RNF152: variants seen among roughly 807,000 people sequenced by gnomAD.
RNF152 encodes ring finger protein 152, also known as E3 ubiquitin-protein ligase RNF152.
Under a neutral mutation model 12.7 loss-of-function variants are expected in RNF152, and 11 were observed. The observed-to-expected ratio is 0.86, with a 90% CI of 0.54 to 1.43. The LOEUF is 1.43. Ranked by LOEUF, RNF152 falls within the 40% of genes most tolerant of loss-of-function variation. The pLI, the probability that RNF152 is intolerant of heterozygous loss-of-function variation, is 0.00. For synonymous variants in RNF152, 113 were observed against 120.3 expected, an observed-to-expected ratio of 0.94 and a Z score of 0.40; for missense variants, 255 against 274.8, an observed-to-expected ratio of 0.93 and a Z score of 0.51.
In RNF152 at chr18:61,816,608, A is replaced by C; in HGVS notation, c.-135-10T>G. ...ACAGGTGTGTTCATTTCTGAGAGAG[A>C]CAAATAATGCAAACAATCTTAATTA... On this transcript the variant is annotated splice_polypyrimidine_tract_variant and intron_variant, in intron 1 of 1. Coordinates refer to ENST00000312828, the MANE Select transcript of RNF152 (RefSeq NM_173557.3). 1.3e-6 allele frequency: 1 copy of C among 766,432 alleles called. No individual in the cohort carries two copies. Among genetic ancestry groups the C allele is most frequent in the Non-Finnish European group, 2.1e-6 (1 of 467,794 alleles). 47.5% of individuals were successfully genotyped at this position (766,432 alleles called of 1,614,324 possible).
At chr18:61,837,653 T>C (rs1910250031) in intron 1 of RNF152, among the ~76,000 whole-genome samples, 1 of 152,242 alleles carries the variant, frequency 6.6e-6, no homozygotes, top group South Asian at 2.1e-4. Context: ...GTTGTTCTTT[T>C]TATTTCTAAG....
chr18:61,862,415 C>T (rs1911528021), intron 1 of RNF152, among the ~76,000 whole-genome samples: 1 of 152,164 alleles, frequency 6.6e-6, no homozygotes, highest in East Asian at 1.9e-4. Flanking sequence ...AAAGCAAGAG[C>T]AAGAGGTGAA....
chr18:61,817,234 C>G (rs1431876121), intron 1 of RNF152, among the ~76,000 whole-genome samples: 1 of 152,220 alleles, frequency 6.6e-6, no homozygotes, highest in Admixed American at 6.5e-5. Flanking sequence ...AAACCCCAAA[C>G]AGCAACAAAA....
At chr18:61,834,233 C>A (rs1009324853) in intron 1 of RNF152, among the ~76,000 whole-genome samples, 2 of 152,180 alleles carry the variant, frequency 1.3e-5, no homozygotes, top group Non-Finnish European at 2.9e-5. Flanking sequence ...GGATGCTGTC[C>A]TTTTGGTCTG....
At position 61,816,275 on chromosome 18, in the gene RNF152, G is replaced by T. The variant is rs116886631; in HGVS notation, c.189C>A (p.Gly63=). 98,251 of 1,614,196 alleles carry T rather than the reference G, an allele frequency of 0.061. 3,526 individuals carry two copies. Among genetic ancestry groups the T allele is most frequent in the Non-Finnish European group, 0.07 (82,353 of 1,180,024 alleles). Residue 63 remains glycine (G), a synonymous_variant, in exon 2 of 2, where the codon GGC becomes GGA. Transcript: ENST00000312828. ...WCRGVTKLPP[G]FSVSQLPDDP... ...CGTCCGGGAGCTGCGACACGGAGAA[G>T]CCGGGAGGCAGCTTGGTGACACCGC... is the stretch of plus-strand genomic sequence containing the variant.
Position 61,836,047 on chromosome 18 carries a change from T to C in RNF152, c.-135-19449A>G, listed in dbSNP as rs375228146. Among the ~76,000 whole-genome samples, 68 of 152,192 alleles carry C rather than the reference T, an allele frequency of 4.5e-4. 1 individual carries two copies. The highest frequency in any genetic ancestry group is 9.1e-4 in the Non-Finnish European group (62 of 68,040). On this transcript the variant is annotated intron_variant, in intron 1 of 1. Transcript: ENST00000312828. ...AAATAATACATAAATTTCTAAGCCT[T>C]GTCAACTGAAAGGCCTAGAAACAGT...
Position 61,810,515 on chromosome 18 carries a change from G to A in RNF152, c.*5337C>T, listed in dbSNP as rs1599250456. ...AATACAAAATTAGCTGGGCATGGAG[G>A]CGCATGCCTATAATCCCAGCTACTC... On this transcript the variant is annotated 3_prime_UTR_variant, in exon 2 of 2. Coordinates refer to ENST00000312828, the MANE Select transcript of RNF152 (RefSeq NM_173557.3). The A allele has an allele frequency of 6.6e-6, 1 of 152,242 alleles. No homozygotes were observed. Among genetic ancestry groups the A allele is most frequent in the Non-Finnish European group, 1.5e-5 (1 of 68,098 alleles). The allele number at this position is 152,242 out of a possible 1,614,324, so 9.4% of individuals were successfully genotyped here. A position where few individuals can be genotyped will look rare whatever the true frequency, so the allele number is the denominator to read the frequency against.
intron 1 of RNF152, among the ~76,000 whole-genome samples, chr18:61,848,581 G>T (rs1910837074): frequency 6.6e-6 from 1 of 152,220 alleles, no homozygotes. Flanking sequence ...AGTATTTGCA[G>T]AGAGGCTTCG....
intron 1 of RNF152, among the ~76,000 whole-genome samples, chr18:61,863,382 C>T (rs764380354): frequency 3.5e-5 from 5 of 144,450 alleles, no homozygotes; most frequent in African/African-American, 7.9e-5. Flanking sequence ...TTGCAGTGAG[C>T]GGCGATCGTG....
chr18:61,819,826 G>C (rs923575300), intron 1 of RNF152, among the ~76,000 whole-genome samples: 1 of 151,472 alleles, frequency 6.6e-6, no homozygotes, highest in Non-Finnish European at 1.5e-5. Context: ...TTTGAGACCA[G>C]CCTAGTCAAC....
chr18:61,835,825 A>G (rs1910156549), intron 1 of RNF152, among the ~76,000 whole-genome samples: 1 of 152,332 alleles, frequency 6.6e-6, no homozygotes, highest in South Asian at 2.1e-4. Context: ...TGATACTAGT[A>G]TAGTAGTAAT....
intron 1 of RNF152, among the ~76,000 whole-genome samples, chr18:61,880,704 T>G (rs1912424521): frequency 6.6e-6 from 1 of 152,234 alleles, no homozygotes; most frequent in Non-Finnish European, 1.5e-5. Flanking sequence ...CATGTCATTT[T>G]GTAAAACATT....
At chr18:61,868,627 C>T (rs1387830487) in intron 1 of RNF152, among the ~76,000 whole-genome samples, 2 of 151,972 alleles carry the variant, frequency 1.3e-5, no homozygotes, top group Non-Finnish European at 1.5e-5. Context: ...CTCATGAACC[C>T]GGGAAGCAGA....
At chr18:61,828,471 C>T (rs1909774692) in intron 1 of RNF152, among the ~76,000 whole-genome samples, 1 of 152,090 alleles carries the variant, frequency 6.6e-6, no homozygotes, top group Non-Finnish European at 1.5e-5. Flanking sequence ...GTTGCCCAGG[C>T]TGAAGTGCAG....
chr18:61,891,602 T>C (rs993244342), intron 1 of RNF152, among the ~76,000 whole-genome samples: 1 of 152,198 alleles, frequency 6.6e-6, no homozygotes, highest in African/African-American at 2.4e-5. Context: ...TCATCTGATC[T>C]TTGCAAAGCA....
chr18:61,823,821 G>C (rs1877829079), intron 1 of RNF152, among the ~76,000 whole-genome samples: 1 of 152,202 alleles, frequency 6.6e-6, no homozygotes, highest in African/African-American at 2.4e-5. Flanking sequence ...CAGCCCACTA[G>C]GTCAACTGTG....
At chr18:61,887,701 C>CAAAAA (rs34170984) in intron 1 of RNF152, among the ~76,000 whole-genome samples, 5 of 105,936 alleles carry the variant, frequency 4.7e-5, no homozygotes, top group African/African-American at 7.0e-5. Context: ...GACTCCATCT[C>CAAAAA]AAAAAAAAAA....
In RNF152 at chr18:61,873,386, G is replaced by A. The variant is rs548619896; in HGVS notation, c.-136+19409C>T. On this transcript the variant is annotated intron_variant, in intron 1 of 1. Transcript: ENST00000312828. ...AGAGTTTCGCTCTGTTGCCCAAGCTGGGGTGCAATGGCGCTATCTCGGCTC... is the reference window on the plus strand; with the variant it reads ...AGAGTTTCGCTCTGTTGCCCAAGCTAGGGTGCAATGGCGCTATCTCGGCTC... Among the ~76,000 whole-genome samples, 8 of 152,296 alleles carry A rather than the reference G, an allele frequency of 5.3e-5. No individual in the cohort carries two copies. The South Asian group carries it at 1.2e-3, about 24-fold the overall frequency.
intron 1 of RNF152, among the ~76,000 whole-genome samples, chr18:61,823,273 T>A (rs7242295): frequency 6.6e-6 from 1 of 152,150 alleles, no homozygotes; most frequent in Non-Finnish European, 1.5e-5. Flanking sequence ...AAGCAAAGAA[T>A]CCAGAAAGTG....
Sources: gnomAD v4.1 joint callset for allele counts (sites outside exome capture counted in the v4.1 genomes callset) on GRCh38, gnomAD v4.1.1 for gene constraint, MANE v1.5 for transcripts, NCBI Gene and HGNC (gene_info 2026-07-23, HGNC 2026-07-21) for gene names.